Variants in COG5 observed in about 807,000 individuals in gnomAD.
COG5 encodes component of oligomeric golgi complex 5.
COG5 carries 86 observed loss-of-function variants against 110.4 expected under a neutral mutation model. That is an observed-to-expected ratio of 0.78 (90% CI 0.65 to 0.93). The LOEUF is 0.93. COG5 is among the 40% of genes least tolerant of loss of function. The probability of loss-of-function intolerance (pLI) is 0.00; values close to 1 mark genes in which losing one functional copy is unlikely to be tolerated. For synonymous variants in COG5, 360 were observed against 334.6 expected (o/e 1.08, Z -0.83); for missense variants, 1,077 against 987.0 (o/e 1.09, Z -1.22).
At position 107,474,763 on chromosome 7, in the gene COG5, C is replaced by T; in HGVS notation, c.538+52474G>A. On this transcript the variant is annotated intron_variant, in intron 6 of 21. Transcript: ENST00000297135. This position sits in a 1 kb window ranked among gnomAD's most constrained non-coding sequence, Gnocchi z 5.7. ...AATGTTAATCACATACACCAAAATA[C>T]TTCAGGCTCTTAATATTCGAATAGG... The T allele has an allele frequency of 1.2e-6, 2 of 1,610,662 alleles. No individual in the cohort carries two copies. The highest frequency in any genetic ancestry group is 1.7e-6 in the Non-Finnish European group (2 of 1,178,354).
intron 19 of COG5, among the ~76,000 whole-genome samples, chr7:107,224,787 GTCTTGTGTAGA>G (rs1800199567): frequency 6.6e-6 from 1 of 152,232 alleles, no homozygotes; most frequent in African/African-American, 2.4e-5. Flanking sequence ...TGACACGTGG[GTCTTGTGTAGA>G]AATACAAATC....
In COG5 at chr7:107,283,615, AG is replaced by A; in HGVS notation, c.1430del (p.Pro477LeufsTer14). 1.2e-6 allele frequency: 2 copies of A among 1,614,060 alleles called. No homozygotes were observed. The highest frequency in any genetic ancestry group is 1.7e-6 in the Non-Finnish European group (2 of 1,179,950). On this transcript the variant is annotated frameshift_variant, in exon 13 of 22. Transcript: ENST00000297135. LOFTEE classifies it high-confidence loss of function. Reference protein sequence around the residue: ...NLVFPPGGRNPPSSDELDGII... With the variant: ...NLVFPPGGRNXPSSDELDGII... Reference sequence around the variant, plus strand: ...TACCATCAAGTTCATCAGAGGAAGGAGGATTACGACCACCCGGGGGAAAAAC... The same window carrying A: ...TACCATCAAGTTCATCAGAGGAAGGAGATTACGACCACCCGGGGGAAAAAC...
chr7:107,403,637 C>T (rs1219002808), intron 7 of COG5, among the ~76,000 whole-genome samples: 1 of 151,850 alleles, frequency 6.6e-6, no homozygotes, highest in African/African-American at 2.4e-5. Context: ...ATAAGCAGCT[C>T]TCTCAGGCTC....
At chr7:107,282,409 G>A (rs1475767019) in intron 13 of COG5, among the ~76,000 whole-genome samples, 1 of 152,184 alleles carries the variant, frequency 6.6e-6, no homozygotes, top group East Asian at 1.9e-4. Context: ...TAGTCAGAAG[G>A]AAAGTCAAGG....
chr7:107,451,989 TC>T (rs951009476), intron 6 of COG5, among the ~76,000 whole-genome samples: 1 of 152,102 alleles, frequency 6.6e-6, no homozygotes, highest in African/African-American at 2.4e-5. Flanking sequence ...CATATGATTA[TC>T]CCTCACAGAA....
intron 19 of COG5, among the ~76,000 whole-genome samples, chr7:107,221,637 T>C (rs1799932996): frequency 1.3e-5 from 2 of 151,742 alleles, no homozygotes; most frequent in Non-Finnish European, 2.9e-5. Context: ...TGGTAGCGTG[T>C]GCCTGTAGTC....
chr7:107,475,662 G>A (rs1250628679), intron 6 of COG5: 1 of 221,492 alleles, frequency 4.5e-6, no homozygotes. Flanking sequence ...TTAAAACAGT[G>A]TATAACTTTA....
At chr7:107,206,870 T>G (rs1798822836) in intron 21 of COG5, among the ~76,000 whole-genome samples, 1 of 152,216 alleles carries the variant, frequency 6.6e-6, no homozygotes, top group Non-Finnish European at 1.5e-5. Context: ...TTAAATTACT[T>G]CATTTGCTTA....
intron 6 of COG5, among the ~76,000 whole-genome samples, chr7:107,515,839 G>C (rs537308120): frequency 6.6e-6 from 1 of 152,232 alleles, no homozygotes; most frequent in South Asian, 2.1e-4. Flanking sequence ...TCAATTCTCA[G>C]TATAGCAAAA....
intron 17 of COG5, among the ~76,000 whole-genome samples, chr7:107,245,536 GCACAAAAAT>G (rs1801988869): frequency 1.3e-5 from 2 of 152,234 alleles, no homozygotes; most frequent in Non-Finnish European, 2.9e-5. Flanking sequence ...CAAAATCAAT[GCACAAAAAT>G]CACTAGCATT....
chr7:107,308,306 A>C (rs1807907656), intron 11 of COG5, among the ~76,000 whole-genome samples: 1 of 152,084 alleles, frequency 6.6e-6, no homozygotes. Flanking sequence ...ACTCTTAGAG[A>C]CTCTAATGTA....
chr7:107,225,650 C>A (rs1485736443), intron 19 of COG5, among the ~76,000 whole-genome samples: 1 of 152,162 alleles, frequency 6.6e-6, no homozygotes, highest in Non-Finnish European at 1.5e-5. Flanking sequence ...GTAGCTGGGA[C>A]CACAGATGTG....
In COG5 at chr7:107,376,042, CA is replaced by C. The variant is rs1272334513; in HGVS notation, c.670-3283del. Among the ~76,000 whole-genome samples, 3 of 151,912 alleles carry C rather than the reference CA, an allele frequency of 2.0e-5. No homozygotes were observed. In the East Asian group the frequency reaches 5.8e-4, roughly 29 times the overall value. On this transcript the variant is annotated intron_variant, in intron 7 of 21. Transcript: ENST00000297135. ...ATTAGTGTTTTTCTACATGAATACCCAATTGATCAAAAAAAGAGCAAATAAA... is the reference window on the plus strand; with the variant it reads ...ATTAGTGTTTTTCTACATGAATACCCATTGATCAAAAAAAGAGCAAATAAA...
At chr7:107,241,779 G>A (rs1223729919) in intron 17 of COG5, among the ~76,000 whole-genome samples, 1 of 151,810 alleles carries the variant, frequency 6.6e-6, no homozygotes, top group Non-Finnish European at 1.5e-5. Flanking sequence ...TTAAAATAGA[G>A]ACTGATCTTT....
At chr7:107,313,955 T>C (rs1414599888) in intron 11 of COG5, among the ~76,000 whole-genome samples, 2 of 152,208 alleles carry the variant, frequency 1.3e-5, no homozygotes, top group African/African-American at 2.4e-5. Context: ...AGAATTGTCA[T>C]GGTACCATTA....
chr7:107,506,749 G>A (rs1423348279), intron 6 of COG5, among the ~76,000 whole-genome samples: 6 of 152,148 alleles, frequency 3.9e-5, no homozygotes, highest in East Asian at 1.9e-4. Flanking sequence ...TTCAGGCCAC[G>A]CCCCTCCCAG....
At chr7:107,415,984 A>ATGTGTGTGTGTG (rs1245363141) in intron 6 of COG5, among the ~76,000 whole-genome samples, 1 of 73,370 alleles carries the variant, frequency 1.4e-5, no homozygotes, top group Non-Finnish European at 3.3e-5. Flanking sequence ...ACACGTATGT[A>ATGTGTGTGTGTG]TATATGTGTG....
chr7:107,386,187 A>G (rs377167921), intron 7 of COG5, among the ~76,000 whole-genome samples: 5 of 147,236 alleles, frequency 3.4e-5, no homozygotes, highest in African/African-American at 1.3e-4. Context: ...AGGAATATAG[A>G]GGAGTCTATC....
At chr7:107,524,301 C>A (rs1458443816) in intron 6 of COG5, among the ~76,000 whole-genome samples, 6 of 152,200 alleles carry the variant, frequency 3.9e-5, no homozygotes, top group Non-Finnish European at 2.9e-5. Flanking sequence ...ACATCCCAGT[C>A]TCATAGAATA....
Sources: gnomAD v4.1 joint callset for allele counts (sites outside exome capture counted in the v4.1 genomes callset) on GRCh38, gnomAD v4.1.1 for gene constraint, Gnocchi (gnomAD v3.1) non-coding constraint, MANE v1.5 for transcripts, NCBI Gene and HGNC (gene_info 2026-07-23, HGNC 2026-07-21) for gene names.